The following SRP54 variants were observed in gnomAD, a reference collection of about 807,000 sequenced individuals.
The protein encoded by SRP54 is signal recognition particle 54.
SRP54 carries 10 observed loss-of-function variants against 64.8 expected under a neutral mutation model. The ratio of observed to expected loss-of-function variants is 0.15; its 90% confidence interval spans 0.10 to 0.26. The LOEUF (loss-of-function observed/expected upper bound fraction) is 0.26. SRP54 is among the 10% of genes least tolerant of loss of function. The probability of loss-of-function intolerance (pLI) is 1.00; values close to 1 mark genes in which losing one functional copy is unlikely to be tolerated. For synonymous variants in SRP54, 193 were observed against 185.6 expected (o/e 1.04, Z -0.32); for missense variants, 325 against 613.7 (o/e 0.53, Z 4.97).
At chr14:35,008,153 C>A (rs1003652911) in intron 5 of SRP54, among the ~76,000 whole-genome samples, 3 of 152,062 alleles carry the variant, frequency 2.0e-5, no homozygotes, top group Non-Finnish European at 2.9e-5. Flanking sequence ...CTTTTATTGC[C>A]CAAGCTTGAG....
intron 11 of SRP54, among the ~76,000 whole-genome samples, chr14:35,015,390 A>C (rs1349554838): frequency 9.6e-6 from 1 of 103,838 alleles, no homozygotes; most frequent in Non-Finnish European, 2.1e-5. Context: ...CCTTGAAGTT[A>C]AACAGGTTAA....
chr14:34,995,926 A>T (rs770166352), intron 1 of SRP54, among the ~76,000 whole-genome samples: 11 of 152,142 alleles, frequency 7.2e-5, no homozygotes, highest in Non-Finnish European at 1.5e-4. Flanking sequence ...TTAGCTGGGC[A>T]TGGTGGCATG....
At position 35,011,578 on chromosome 14, in the gene SRP54, AATT is replaced by A; in HGVS notation, c.562_564del (p.Ile188del). The A allele has an allele frequency of 6.3e-7, 1 of 1,586,650 alleles. No homozygotes were observed. Among genetic ancestry groups the A allele is most frequent in the Non-Finnish European group, 8.6e-7 (1 of 1,162,950 alleles). ...AGAAATTTAAAAATGAAAATTTTGA[AATT>A]ATTATTGTTGATACAAGTGGCCGCC... On this transcript the variant is annotated inframe_deletion, in exon 8 of 16. Coordinates refer to ENST00000216774, the MANE Select transcript of SRP54 (RefSeq NM_003136.4).
intron 4 of SRP54, among the ~76,000 whole-genome samples, chr14:35,006,970 C>T (rs1481485495): frequency 6.6e-6 from 1 of 152,108 alleles, no homozygotes; most frequent in African/African-American, 2.4e-5. Flanking sequence ...AGAAGGATTG[C>T]TTGAACCCAG....
At chr14:35,018,578 T>C (rs2044478632) in intron 11 of SRP54, 114 bp from the exon 12 acceptor site, 1 of 785,484 alleles carries the variant, frequency 1.3e-6, no homozygotes, top group Non-Finnish European at 2.1e-6. Flanking sequence ...TATTTATTGA[T>C]GTATATTTTA....
chr14:34,996,231 T>C (rs2044071813), intron 1 of SRP54, among the ~76,000 whole-genome samples: 2 of 152,208 alleles, frequency 1.3e-5, no homozygotes, highest in Admixed American at 1.3e-4. Context: ...TTTTTCTTTT[T>C]TTTGCTTAGG....
chr14:35,021,550 T>C (rs2044529836), intron 13 of SRP54, among the ~76,000 whole-genome samples: 1 of 152,060 alleles, frequency 6.6e-6, no homozygotes, highest in Non-Finnish European at 1.5e-5. Flanking sequence ...GGAGAATCGC[T>C]TGAACCCTGG....
Position 35,014,806 on chromosome 14 carries a change from G to T in SRP54, c.949G>T (p.Ala317Ser). ...CGAGTTGAAGTTGGATGACAATGAA[G>T]CACTTATAGAGAAGTTGAAACATGG... ...VNELKLDDNEALIEKLKHGQF... is the reference protein window; with the variant it reads ...VNELKLDDNESLIEKLKHGQF... The change falls in exon 11 of 16, where the codon GCA (alanine) becomes TCA (serine). Residue 317 changes from alanine to serine, a missense_variant. Around this residue, in one of 3 missense-constraint regions of SRP54, gnomAD observed 146 missense variants for 337.4 expected, o/e 0.43. Coordinates refer to ENST00000216774, the MANE Select transcript of SRP54 (RefSeq NM_003136.4). 4 of 1,613,796 alleles carry T rather than the reference G, an allele frequency of 2.5e-6. No homozygotes were observed. The highest frequency in any genetic ancestry group is 1.3e-5 in the African/African-American group (1 of 75,020).
chr14:35,022,451 G>A (rs1466737217), intron 13 of SRP54, among the ~76,000 whole-genome samples: 1 of 151,928 alleles, frequency 6.6e-6, no homozygotes, highest in Non-Finnish European at 1.5e-5. Context: ...CTGCCTCCCA[G>A]GTTCAAGCGA....
chr14:35,023,139 AAG>A, intron 14 of SRP54, 59 bp downstream of exon 14: 1 of 1,426,612 alleles, frequency 7.0e-7, no homozygotes, highest in Non-Finnish European at 9.6e-7. Flanking sequence ...GTTGAGAAAA[AAG>A]AGTGCTGCCA....
chr14:34,993,415 A>G (rs1380226749), intron 1 of SRP54: 1 of 152,202 alleles, frequency 6.6e-6, no homozygotes, highest in Non-Finnish European at 1.5e-5. Flanking sequence ...CAGGTTAAGT[A>G]ACAATGTAAT....
chr14:35,023,443 T>C (rs1272809803), intron 14 of SRP54, among the ~76,000 whole-genome samples: 1 of 152,142 alleles, frequency 6.6e-6, no homozygotes, highest in Non-Finnish European at 1.5e-5. Context: ...CTAAGTTTTC[T>C]TCTGATATAT....
In SRP54 at chr14:35,007,357, A is replaced by G. The variant is rs751718200; in HGVS notation, c.330A>G (p.Gln110=). 84 of 1,592,982 alleles carry G rather than the reference A, an allele frequency of 5.3e-5. No homozygotes were observed. The highest frequency in any genetic ancestry group is 1.9e-4 in the South Asian group (17 of 88,496). The change falls in exon 5 of 16, where the codon CAA becomes CAG. Residue 110 remains glutamine (Q), a synonymous_variant. Coordinates refer to ENST00000216774, the MANE Select transcript of SRP54 (RefSeq NM_003136.4). ...KQNVIMFVGL[Q]GSGKTTTCSK... ...ATGTGATTATGTTTGTTGGATTGCAAGGGAGTGGTAAAACAACAACATGTT... is the reference window on the plus strand; with the variant it reads ...ATGTGATTATGTTTGTTGGATTGCAGGGGAGTGGTAAAACAACAACATGTT...
At chr14:35,003,144 A>G (rs1410386394) in intron 4 of SRP54, among the ~76,000 whole-genome samples, 1 of 152,168 alleles carries the variant, frequency 6.6e-6, no homozygotes, top group African/African-American at 2.4e-5. Context: ...TATTTCAGGA[A>G]GTATGCCAAA....
intron 5 of SRP54, among the ~76,000 whole-genome samples, chr14:35,007,711 A>G (rs2044287156): frequency 6.9e-6 from 1 of 145,550 alleles, no homozygotes; most frequent in South Asian, 2.1e-4. Flanking sequence ...TTATTAAAAT[A>G]TATTTACATA....
intron 1 of SRP54, chr14:34,993,543 T>C (rs987777268): frequency 2.6e-5 from 4 of 152,162 alleles, no homozygotes; most frequent in Non-Finnish European, 2.9e-5. Flanking sequence ...GTGTTTAATT[T>C]GTAGCTCAGC....
At chr14:35,016,856 T>C (rs1566653973) in intron 11 of SRP54, among the ~76,000 whole-genome samples, 2 of 144,286 alleles carry the variant, frequency 1.4e-5, no homozygotes, top group South Asian at 2.2e-4. Flanking sequence ...TTTTTTTTTT[T>C]TTTTCTTCTT....
At chr14:35,002,011 G>A (rs1160391218) in intron 4 of SRP54, among the ~76,000 whole-genome samples, 1 of 151,438 alleles carries the variant, frequency 6.6e-6, no homozygotes, top group Non-Finnish European at 1.5e-5. Context: ...GACCAACCAG[G>A]GCAACATAGT....
chr14:35,020,971 G>A (rs1595012558), intron 13 of SRP54, among the ~76,000 whole-genome samples: 1 of 152,108 alleles, frequency 6.6e-6, no homozygotes, highest in East Asian at 1.9e-4. Flanking sequence ...TACTTGCCAC[G>A]ATGTGCTGCT....
Sources: allele counts gnomAD v4.1 joint callset (sites outside exome capture counted in the v4.1 genomes callset), GRCh38; gene constraint gnomAD v4.1.1; regional missense constraint gnomAD v4.1.1; transcripts MANE v1.5; gene names NCBI Gene and HGNC (gene_info 2026-07-23, HGNC 2026-07-21).